The following INPP4B variants were observed in gnomAD, a reference collection of about 807,000 sequenced individuals.
INPP4B encodes inositol polyphosphate 4-phosphatase type II.
In INPP4B, 55 loss-of-function variants were observed where a neutral mutation model predicts 122.5. The observed-to-expected ratio is 0.45, with a 90% CI of 0.36 to 0.56. INPP4B has a LOEUF of 0.56. Among genes scored for constraint, INPP4B ranks in the 20% least tolerant of loss-of-function variants. INPP4B has a pLI of 0.00. For missense variants in INPP4B, 1,000 were observed against 1,097.7 expected (o/e 0.91, Z 1.26); for synonymous variants, 403 against 388.7 (o/e 1.04, Z -0.43).
intron 2 of INPP4B, among the ~76,000 whole-genome samples, chr4:142,645,397 A>G (rs77175717): frequency 0.012 from 1,757 of 152,292 alleles, 31 homozygotes; most frequent in African/African-American, 0.032. Context: ...CCAAATATCC[A>G]TTCTTCCTTT....
chr4:142,067,526 C>A (rs977455931), intron 25 of INPP4B, among the ~76,000 whole-genome samples: 2 of 152,088 alleles, frequency 1.3e-5, no homozygotes, highest in African/African-American at 4.8e-5. Flanking sequence ...TAACAACAAA[C>A]TTCTCTGAGC....
At chr4:142,304,903 C>T (rs937875983) in intron 9 of INPP4B, among the ~76,000 whole-genome samples, 1 of 152,070 alleles carries the variant, frequency 6.6e-6, no homozygotes, top group Admixed American at 6.6e-5. Context: ...TTCCTAAAGA[C>T]TGTTGTCTCA....
chr4:142,093,172 G>A (rs546384468), intron 23 of INPP4B, among the ~76,000 whole-genome samples: 2 of 152,250 alleles, frequency 1.3e-5, no homozygotes, highest in East Asian at 3.9e-4. Flanking sequence ...TTGTTTAGGT[G>A]CTTAAGTCAA....
At chr4:142,429,509 G>C (rs1327025911) in intron 4 of INPP4B, among the ~76,000 whole-genome samples, 1 of 151,976 alleles carries the variant, frequency 6.6e-6, no homozygotes, top group African/African-American at 2.4e-5. Flanking sequence ...TTTCACAACT[G>C]TGTTTATCTC....
Position 142,511,867 on chromosome 4 carries a change from A to G in INPP4B, c.-190-49141T>C, listed in dbSNP as rs140821120. On this transcript the variant is annotated intron_variant, in intron 2 of 25. Coordinates refer to ENST00000262992, the MANE Select transcript of INPP4B (RefSeq NM_001101669.3). ...AAACAATTTCCTCTACACCCTTAATATAACATTTAAGATGAGCTTTAAAGT... is the reference window on the plus strand; with the variant it reads ...AAACAATTTCCTCTACACCCTTAATGTAACATTTAAGATGAGCTTTAAAGT... Among the ~76,000 whole-genome samples, 775 of 152,298 alleles carry G rather than the reference A, an allele frequency of 5.1e-3. 10 individuals are homozygous for G. The highest frequency in any genetic ancestry group is 0.018 in the African/African-American group (733 of 41,572).
At chr4:142,735,188 T>C (rs1042424682) in intron 1 of INPP4B, among the ~76,000 whole-genome samples, 2 of 152,142 alleles carry the variant, frequency 1.3e-5, no homozygotes, top group African/African-American at 2.4e-5. Context: ...ATAGAATATA[T>C]GTCTATTCAA....
intron 2 of INPP4B, among the ~76,000 whole-genome samples, chr4:142,506,193 C>G (rs950843266): frequency 2.6e-5 from 4 of 151,992 alleles, no homozygotes; most frequent in Admixed American, 2.0e-4. Context: ...TTAAATGTAG[C>G]AGGATATTTA....
At chr4:142,673,449 T>A (rs1408600428) in intron 2 of INPP4B, among the ~76,000 whole-genome samples, 1 of 151,858 alleles carries the variant, frequency 6.6e-6, no homozygotes, top group Non-Finnish European at 1.5e-5. Context: ...TCTTGTAATG[T>A]CTTCAGTCCT....
intron 3 of INPP4B, among the ~76,000 whole-genome samples, chr4:142,456,433 T>G (rs1815437458): frequency 6.6e-6 from 1 of 152,116 alleles, no homozygotes; most frequent in Non-Finnish European, 1.5e-5. Flanking sequence ...CTGAGTTCAC[T>G]GTACGTCTGT....
intron 2 of INPP4B, among the ~76,000 whole-genome samples, chr4:142,653,925 G>A (rs1309702457): frequency 6.6e-6 from 1 of 152,156 alleles, no homozygotes; most frequent in African/African-American, 2.4e-5. Flanking sequence ...GCACACATAT[G>A]TTTACTGTGG....
At chr4:142,575,782 A>G (rs181542238) in intron 2 of INPP4B, among the ~76,000 whole-genome samples, 1 of 152,176 alleles carries the variant, frequency 6.6e-6, no homozygotes, top group East Asian at 1.9e-4. Context: ...AAGTAGTACA[A>G]ATATGACATA....
intron 11 of INPP4B, among the ~76,000 whole-genome samples, chr4:142,250,092 CTTGT>C (rs1266162686): frequency 6.6e-6 from 1 of 152,048 alleles, no homozygotes. Flanking sequence ...TCTAGTGTGC[CTTGT>C]TTGTATTTCC....
intron 2 of INPP4B, among the ~76,000 whole-genome samples, chr4:142,691,816 G>A (rs1338637235): frequency 6.6e-6 from 1 of 152,010 alleles, no homozygotes; most frequent in African/African-American, 2.4e-5. Context: ...AACGTGGGGG[G>A]GACAAGCAAA....
intron 2 of INPP4B, among the ~76,000 whole-genome samples, chr4:142,619,250 G>A (rs575705826): frequency 1.1e-4 from 17 of 151,884 alleles, no homozygotes; most frequent in Non-Finnish European, 1.5e-4. Flanking sequence ...TTTATCCAAA[G>A]GAATTGAAAT....
chr4:142,439,516 C>T (rs1811245403), intron 3 of INPP4B, among the ~76,000 whole-genome samples: 1 of 152,194 alleles, frequency 6.6e-6, no homozygotes, highest in Non-Finnish European at 1.5e-5. Flanking sequence ...GATTCTTTCA[C>T]ATTTTATTAA....
At chr4:142,828,441 T>A (rs10029622) in intron 1 of INPP4B, among the ~76,000 whole-genome samples, 23,926 of 152,088 alleles carry the variant, frequency 0.16, 3,421 homozygotes, top group African/African-American at 0.38. Flanking sequence ...AAAAATTGAT[T>A]ACCTTATCTA....
chr4:142,844,876 T>TGA (rs925429795), intron 1 of INPP4B, among the ~76,000 whole-genome samples: 1 of 152,174 alleles, frequency 6.6e-6, no homozygotes, highest in African/African-American at 2.4e-5. Context: ...GAGCTCATCT[T>TGA]GAGAGAGAGA....
At chr4:142,062,564 T>C (rs192821842) in intron 25 of INPP4B, among the ~76,000 whole-genome samples, 151 of 152,150 alleles carry the variant, frequency 9.9e-4, no homozygotes, top group African/African-American at 3.5e-3. Context: ...GGTGAAATCC[T>C]GTCTCTATTA....
At chr4:142,840,230 AT>A (rs1561128999) in intron 1 of INPP4B, among the ~76,000 whole-genome samples, 1 of 152,140 alleles carries the variant, frequency 6.6e-6, no homozygotes, top group Non-Finnish European at 1.5e-5. Context: ...CATTGAGGTA[AT>A]TTGCACTTTT....
Sources: allele counts gnomAD v4.1 joint callset (sites outside exome capture counted in the v4.1 genomes callset), GRCh38; gene constraint gnomAD v4.1.1; transcripts MANE v1.5; gene names NCBI Gene and HGNC (gene_info 2026-07-23, HGNC 2026-07-21).